The following PTBP3 variants were observed in gnomAD, a reference collection of about 807,000 sequenced individuals.
The protein encoded by PTBP3 is polypyrimidine tract binding protein 3.
PTBP3 carries 20 observed loss-of-function variants against 58.7 expected under a neutral mutation model. That is an observed-to-expected ratio of 0.34 (90% CI 0.24 to 0.50). The LOEUF (loss-of-function observed/expected upper bound fraction) is 0.50. Ranked by LOEUF, PTBP3 falls within the 20% of genes least tolerant of loss-of-function variation. The pLI, the probability that PTBP3 is intolerant of heterozygous loss-of-function variation, is 0.98. For synonymous variants in PTBP3, 185 were observed against 219.8 expected (o/e 0.84, Z 1.40); for missense variants, 509 against 637.2 (o/e 0.80, Z 2.17).
At position 112,222,139 on chromosome 9, in the gene PTBP3, A is replaced by G. The variant is rs1158329461; in HGVS notation, c.*1712T>C. On this transcript the variant is annotated 3_prime_UTR_variant, in exon 14 of 14. Transcript: ENST00000374257. ...ATTCTTTTAAAAGTTGAGATGAGAC[A>G]CTTTGAGAATCTGAAAAGTGTAAAA... The G allele has an allele frequency of 4.2e-5, 41 of 985,864 alleles. No individual in the cohort carries two copies. Among genetic ancestry groups the G allele is most frequent in the Non-Finnish European group, 4.9e-5 (41 of 829,894 alleles). 61.1% of individuals were successfully genotyped at this position (985,864 alleles called of 1,614,324 possible).
At chr9:112,284,956 G>A (rs1359708633) in intron 2 of PTBP3, among the ~76,000 whole-genome samples, 1 of 43,450 alleles carries the variant, frequency 2.3e-5, no homozygotes, top group East Asian at 4.4e-4. Flanking sequence ...TGGGACTTTT[G>A]GGTTATGTTG....
the PTBP3 span, among the ~76,000 whole-genome samples, chr9:112,359,494 A>G: frequency 6.6e-6 from 1 of 151,570 alleles, no homozygotes; most frequent in Admixed American, 6.6e-5. Flanking sequence ...TGTTTATAAT[A>G]TACTAGGTAA....
At chr9:112,241,656 A>C (rs1211002543) in intron 7 of PTBP3, among the ~76,000 whole-genome samples, 1 of 152,244 alleles carries the variant, frequency 6.6e-6, no homozygotes, top group Non-Finnish European at 1.5e-5. Context: ...AGTACACAAC[A>C]AAACCACCTA....
chr9:112,367,197 C>T, the PTBP3 span, among the ~76,000 whole-genome samples: 3 of 152,186 alleles, frequency 2.0e-5, no homozygotes, highest in East Asian at 5.8e-4. Context: ...ATTATTATAG[C>T]TATATTTTAA....
At chr9:112,373,362 A>G in the PTBP3 span, among the ~76,000 whole-genome samples, 2 of 152,182 alleles carry the variant, frequency 1.3e-5, no homozygotes, top group Non-Finnish European at 2.9e-5. Context: ...GTAGGCTAGG[A>G]GGCTAGGCCA....
chr9:112,318,692 A>T lies in PTBP3; in HGVS notation c.-52+14778T>A, dbSNP rs535257476. Reference sequence around the variant, plus strand: ...GGAGAATCACTTGAACCTGGGAGGCAGAGGTTGCAGTGAGCTGACATCCCA... The same window carrying T: ...GGAGAATCACTTGAACCTGGGAGGCTGAGGTTGCAGTGAGCTGACATCCCA... On this transcript the variant is annotated intron_variant, in intron 1 of 13. Transcript: ENST00000374257. Among the ~76,000 whole-genome samples, 34 of 151,632 alleles carry T rather than the reference A, an allele frequency of 2.2e-4. No homozygotes were observed. The South Asian group carries it at 2.9e-3, about 13-fold the overall frequency.
At chr9:112,298,546 T>C (rs1465401784) in intron 1 of PTBP3, 1 of 509,434 alleles carries the variant, frequency 2.0e-6, no homozygotes, top group Non-Finnish European at 3.9e-6. Flanking sequence ...ACCACCAACA[T>C]TTAAAAGATT....
intron 5 of PTBP3, among the ~76,000 whole-genome samples, chr9:112,254,285 C>T (rs953064994): frequency 6.6e-6 from 1 of 152,160 alleles, no homozygotes; most frequent in Admixed American, 6.5e-5. Context: ...CATACCTGGC[C>T]CTGCTTTTTA....
Position 112,232,211 on chromosome 9 carries a change from G to A in PTBP3, c.908C>T (p.Ala303Val), listed in dbSNP as rs1835272141. The stretch of plus-strand genomic sequence containing the variant: ...AGAGGTGATTGTGAGAGGACCAAGA[G>A]CTCCAGGAACAGCTGGAACTGATAG... ...TGLSVPAVPGALGPLTITSSA... is the reference protein window; with the variant it reads ...TGLSVPAVPGVLGPLTITSSA... The change falls in exon 9 of 14, where the codon GCT becomes GTT. Residue 303 changes from alanine to valine, a missense_variant. By Grantham distance (64) the Ala-to-Val change is moderately conservative. This residue lies in a region of PTBP3 where 121 missense variants were observed against 114.8 expected (regional missense o/e 1.05). Transcript: ENST00000374257. 6.2e-7 allele frequency: 1 copy of A among 1,610,080 alleles called. No homozygotes were observed. The highest frequency in any genetic ancestry group is 8.5e-7 in the Non-Finnish European group (1 of 1,177,092).
At chr9:112,349,567 G>A in the PTBP3 span, among the ~76,000 whole-genome samples, 6 of 150,376 alleles carry the variant, frequency 4.0e-5, no homozygotes, top group Non-Finnish European at 5.9e-5. Context: ...TCTACATATA[G>A]TGTGCAATTT....
At chr9:112,285,012 T>C (rs904655968) in intron 2 of PTBP3, among the ~76,000 whole-genome samples, 1 of 144,912 alleles carries the variant, frequency 6.9e-6, no homozygotes, top group African/African-American at 2.6e-5. Context: ...ATGATTGGTT[T>C]TGAAATGGAA....
At chr9:112,340,447 G>C in the PTBP3 span, among the ~76,000 whole-genome samples, 1 of 151,974 alleles carries the variant, frequency 6.6e-6, no homozygotes, top group South Asian at 2.1e-4. Context: ...TCATAGTTCA[G>C]ATTTCTGCAG....
intron 9 of PTBP3, 134 bp downstream of exon 9, chr9:112,231,964 GA>G (rs1835231318): frequency 4.6e-5 from 14 of 305,402 alleles, no homozygotes; most frequent in Admixed American, 2.7e-4. Flanking sequence ...GAAGAGAAGA[GA>G]AGAGAGAAGA....
intron 1 of PTBP3, among the ~76,000 whole-genome samples, chr9:112,322,039 G>A (rs989868341): frequency 4.0e-5 from 6 of 148,448 alleles, no homozygotes; most frequent in Admixed American, 2.8e-4. Flanking sequence ...GGAGGCTGAG[G>A]CAGGAGAATT....
rs1462397431 is a variant in PTBP3 at position 112,222,274 on chromosome 9, T to C, written c.*1577A>G. 1 of 970,804 alleles carries C rather than the reference T, an allele frequency of 1.0e-6. No individual in the cohort carries two copies. The highest frequency in any genetic ancestry group is 1.1e-4 in the East Asian group (1 of 8,736). The allele number at this position is 970,804 out of a possible 1,614,324, so 60.1% of individuals were successfully genotyped here. ...TTATTAAAAAGAAACAATTTTACAT[T>C]ATACAATCACTGAAGCAACATTAAA... On this transcript the variant is annotated 3_prime_UTR_variant, in exon 14 of 14. Transcript: ENST00000374257.
At chr9:112,317,633 T>TAC (rs771673847) in intron 1 of PTBP3, among the ~76,000 whole-genome samples, 2 of 152,150 alleles carry the variant, frequency 1.3e-5, no homozygotes, top group Non-Finnish European at 2.9e-5. Flanking sequence ...CTACAGATCC[T>TAC]ACAACATTAA....
chr9:112,311,784 A>G (rs960206080), intron 1 of PTBP3, among the ~76,000 whole-genome samples: 2 of 152,108 alleles, frequency 1.3e-5, no homozygotes, highest in African/African-American at 2.4e-5. Context: ...TCTCTGAAAA[A>G]AAACGGTTTT....
chr9:112,261,184 C>T (rs934150807), intron 5 of PTBP3, among the ~76,000 whole-genome samples: 10 of 152,164 alleles, frequency 6.6e-5, no homozygotes, highest in African/African-American at 2.4e-4. Flanking sequence ...ACAGCTGAAC[C>T]CTTTCAGAGA....
chr9:112,358,742 T>C, the PTBP3 span, among the ~76,000 whole-genome samples: 2 of 152,284 alleles, frequency 1.3e-5, no homozygotes, highest in African/African-American at 4.8e-5. Flanking sequence ...CTGAACATCA[T>C]AGCAAGACCT....
Sources: gnomAD v4.1 joint callset for allele counts (sites outside exome capture counted in the v4.1 genomes callset) on GRCh38, gnomAD v4.1.1 for gene constraint, gnomAD v4.1.1 regional missense constraint, MANE v1.5 for transcripts, NCBI Gene and HGNC (gene_info 2026-07-23, HGNC 2026-07-21) for gene names.